The following TFR2 variants were observed in gnomAD, a reference collection of about 807,000 sequenced individuals.
TFR2 encodes transferrin receptor 2.
In TFR2, 64 loss-of-function variants were observed where a neutral mutation model predicts 91.9. The observed-to-expected ratio is 0.70, with a 90% CI of 0.57 to 0.86. The LOEUF (loss-of-function observed/expected upper bound fraction) is 0.86. Ranked by LOEUF, TFR2 falls within the 40% of genes least tolerant of loss-of-function variation. The pLI, the probability that TFR2 is intolerant of heterozygous loss-of-function variation, is 0.00. For synonymous variants in TFR2, 454 were observed against 459.6 expected (o/e 0.99, Z 0.15); for missense variants, 950 against 1,080.5 (o/e 0.88, Z 1.69).
intron 1 of TFR2, 99 bp from the exon 2 acceptor site, chr7:100,641,327 G>T: frequency 9.1e-7 from 1 of 1,104,256 alleles, no homozygotes; most frequent in Non-Finnish European, 1.3e-6. Flanking sequence ...TGTCAAATGA[G>T]CATGGTGGTG....
intron 3 of TFR2, among the ~76,000 whole-genome samples, chr7:100,633,852 G>T (rs1346488453): frequency 6.6e-6 from 1 of 151,842 alleles, no homozygotes; most frequent in African/African-American, 2.4e-5. Context: ...GGGATTACAG[G>T]CACGTGCCAT....
At position 100,641,133 on chromosome 7, in the gene TFR2, C is replaced by A; in HGVS notation, c.129G>T (p.Glu43Asp). ...AGAAGTGGGCCAATGTCTCCGCCCC[C>A]TCCTCCCCGTCTTCCTCTTCCTCCT... ...HLEEEEEDGEEGAETLAHFCP... is the reference protein window; with the variant it reads ...HLEEEEEDGEDGAETLAHFCP... Residue 43 changes from glutamate (E) to aspartate (D), a missense_variant, in exon 2 of 18, where the codon GAG becomes GAT. Physicochemically the swap from Glu to Asp is conservative, Grantham distance 45. Transcript: ENST00000223051. 1.3e-6 allele frequency: 2 copies of A among 1,559,890 alleles called. No individual in the cohort carries two copies. Among genetic ancestry groups the A allele is most frequent in the Non-Finnish European group, 1.7e-6 (2 of 1,152,840 alleles).
chr7:100,633,175 C>A, intron 5 of TFR2, 52 bp from the exon 6 acceptor site: 1 of 1,612,782 alleles, frequency 6.2e-7, no homozygotes, highest in South Asian at 1.1e-5. Context: ...CCTTCGAGAC[C>A]CAGGAAAGGG....
At chr7:100,626,992 A>T in intron 16 of TFR2, 89 bp from the exon 17 acceptor site, 4 of 1,462,038 alleles carry the variant, frequency 2.7e-6, no homozygotes, top group Non-Finnish European at 3.6e-6. Flanking sequence ...TAGCATGGGG[A>T]AGGGGGCTGG....
At position 100,641,537 on chromosome 7, in the gene TFR2, G is replaced by A. The variant is rs778462607; in HGVS notation, c.-28C>T. On this transcript the variant is annotated 5_prime_UTR_variant, in exon 1 of 18. Coordinates refer to ENST00000223051, the MANE Select transcript of TFR2 (RefSeq NM_003227.4). ...TTGTGTCCCCTCCTGAAGCCTGCAG[G>A]CTGTCCCCCAGCGATAAACCGATAA... 50 of 1,613,122 alleles carry A rather than the reference G, an allele frequency of 3.1e-5. No individual in the cohort carries two copies. In the South Asian group the frequency reaches 5.3e-4, roughly 17 times the overall value.
At chr7:100,636,538 A>G (rs1803574801) in intron 3 of TFR2, among the ~76,000 whole-genome samples, 1 of 150,704 alleles carries the variant, frequency 6.6e-6, no homozygotes, top group Admixed American at 6.7e-5. Flanking sequence ...TTGAGGATCT[A>G]CTGAACATCT....
chr7:100,641,074 CCCAGGGGCT>C lies in TFR2; in HGVS notation c.179_187del (p.Glu60_Leu62del). The C allele has an allele frequency of 6.2e-7, 1 of 1,602,648 alleles. No homozygotes were observed. Among genetic ancestry groups the C allele is most frequent in the East Asian group, 2.2e-5 (1 of 44,650 alleles). On this transcript the variant is annotated inframe_deletion, in exon 2 of 18. Coordinates refer to ENST00000223051, the MANE Select transcript of TFR2 (RefSeq NM_003227.4). ...GAGGTTTGGCTGCCTGGGTCTAGAG[CCCAGGGGCT>C]CAGGGCCCCTCAGCTCCATGGGGCA...
intron 3 of TFR2, among the ~76,000 whole-genome samples, chr7:100,635,951 C>T (rs1432574057): frequency 1.3e-5 from 2 of 151,982 alleles, no homozygotes; most frequent in African/African-American, 2.4e-5. Flanking sequence ...ATTATGTAGT[C>T]GTGAATGATT....
At chr7:100,629,790 G>A (rs1803377821) in intron 9 of TFR2, among the ~76,000 whole-genome samples, 1 of 152,166 alleles carries the variant, frequency 6.6e-6, no homozygotes, top group South Asian at 2.1e-4. Flanking sequence ...CTGTTGCCCA[G>A]GCTGGAGTGC....
In TFR2 at chr7:100,626,654, T is replaced by C. The variant is rs1437668732; in HGVS notation, c.2136+109A>G. 16 of 1,498,292 alleles carry C rather than the reference T, an allele frequency of 1.1e-5. No homozygotes were observed. The East Asian group carries it at 4.0e-4, about 37-fold the overall frequency. The allele number at this position is 1,498,292 out of a possible 1,614,324, so 92.8% of individuals were successfully genotyped here. ...AAGAGAGCATCCAGAGGACCGGGAC[T>C]GTGTAGGCGGGGAGAGAGAGGAGCG... On this transcript the variant is annotated intron_variant, in intron 17 of 17. Coordinates refer to ENST00000223051, the MANE Select transcript of TFR2 (RefSeq NM_003227.4).
chr7:100,640,517 G>T, intron 3 of TFR2, 169 bp downstream of exon 3: 1 of 726,874 alleles, frequency 1.4e-6, no homozygotes, highest in Non-Finnish European at 2.2e-6. Flanking sequence ...AGCTCCGAAT[G>T]CCTGCCATCC....
intron 17 of TFR2, chr7:100,626,542 G>T: frequency 7.2e-7 from 1 of 1,395,342 alleles, no homozygotes; most frequent in Non-Finnish European, 9.3e-7. Context: ...TGGCCAAGAG[G>T]CTGGCCCTCC....
chr7:100,640,803 C>T lies in TFR2; in HGVS notation c.356G>A (p.Ser119Asn). The change falls in exon 3 of 18, where the codon AGT becomes AAT. Residue 119 changes from serine to asparagine, a missense_variant. Coordinates refer to ENST00000223051, the MANE Select transcript of TFR2 (RefSeq NM_003227.4). ...QACGDSVLVVSEDVNYEPDLD... is the reference protein window; with the variant it reads ...QACGDSVLVVNEDVNYEPDLD... ...GTCAGGCTCATAGTTGACATCCTCACTGACCACCAACACAGAGTCTCCGCA... is the reference window on the plus strand; with the variant it reads ...GTCAGGCTCATAGTTGACATCCTCATTGACCACCAACACAGAGTCTCCGCA... The T allele has an allele frequency of 6.2e-7, 1 of 1,614,196 alleles. No homozygotes were observed. The highest frequency in any genetic ancestry group is 1.1e-5 in the South Asian group (1 of 91,082).
intron 9 of TFR2, among the ~76,000 whole-genome samples, chr7:100,630,477 A>G (rs1450663013): frequency 6.6e-6 from 1 of 152,008 alleles, no homozygotes; most frequent in Non-Finnish European, 1.5e-5. Flanking sequence ...TTTAGTAGAG[A>G]CGGGGTTTCA....
At chr7:100,632,938 T>A in intron 6 of TFR2, 63 bp downstream of exon 6, 1 of 1,613,110 alleles carries the variant, frequency 6.2e-7, no homozygotes, top group Non-Finnish European at 8.5e-7. Flanking sequence ...TGAACGATTC[T>A]CACTGGCAGT....
chr7:100,624,206 A>G (rs1429092430), intron 17 of TFR2, among the ~76,000 whole-genome samples: 1 of 152,190 alleles, frequency 6.6e-6, no homozygotes, highest in Non-Finnish European at 1.5e-5. Flanking sequence ...CAGTTGATCG[A>G]TAACACCACA....
chr7:100,621,518 T>G (rs1803111648), intron 17 of TFR2, among the ~76,000 whole-genome samples: 1 of 152,168 alleles, frequency 6.6e-6, no homozygotes, highest in Non-Finnish European at 1.5e-5. Context: ...CCTCCCAAAG[T>G]GCTGGGATTA....
In TFR2 at chr7:100,627,353, C is replaced by T. The variant is rs1196855122; in HGVS notation, c.1906G>A (p.Asp636Asn). The change falls in exon 16 of 18, where the codon GAT becomes AAT. Residue 636 changes from aspartate (D) to asparagine (N), a missense_variant. By Grantham distance (23) the Asp-to-Asn change is conservative. Coordinates refer to ENST00000223051, the MANE Select transcript of TFR2 (RefSeq NM_003227.4). The part of the protein sequence containing the change: ...AGQLLIRLSH[D>N]RLLPLDFGRY... ...CCGAAGTCGAGGGGCAGCAGGCGAT[C>T]GTGGCTGAGCCGGATGAGGAGCTGC... 3 of 1,551,994 alleles carry T rather than the reference C, an allele frequency of 1.9e-6. No individual in the cohort carries two copies. The highest frequency in any genetic ancestry group is 2.6e-6 in the Non-Finnish European group (3 of 1,147,630).
chr7:100,627,222 C>G (rs1272296690), intron 16 of TFR2, 42 bp downstream of exon 16: 1 of 1,533,974 alleles, frequency 6.5e-7, no homozygotes, highest in African/African-American at 1.4e-5. Flanking sequence ...TGGGCAGTGC[C>G]TCCCACTCCC....
Sources: gnomAD v4.1 joint callset for allele counts (sites outside exome capture counted in the v4.1 genomes callset) on GRCh38, gnomAD v4.1.1 for gene constraint, MANE v1.5 for transcripts, NCBI Gene and HGNC (gene_info 2026-07-23, HGNC 2026-07-21) for gene names.